Variants in HTR4 observed in about 807,000 individuals in gnomAD.
HTR4 encodes 5-hydroxytryptamine (serotonin) receptor 4, G protein-coupled.
A neutral mutation model predicts 36.8 loss-of-function variants in HTR4; 16 were observed. The ratio of observed to expected loss-of-function variants is 0.43; its 90% confidence interval spans 0.29 to 0.66. The LOEUF is 0.66. HTR4 is among the 30% of genes least tolerant of loss of function. HTR4 has a pLI of 0.13. For synonymous variants in HTR4, 189 were observed against 185.1 expected (o/e 1.02, Z -0.17); for missense variants, 438 against 490.9 (o/e 0.89, Z 1.02).
chr5:148,560,209 A>T lies in HTR4; in HGVS notation c.27-9947T>A, dbSNP rs1471716059. On this transcript the variant is annotated intron_variant, in intron 2 of 6. Coordinates refer to ENST00000377888, the MANE Select transcript of HTR4 (RefSeq NM_000870.7). The stretch of plus-strand genomic sequence containing the variant: ...TTTTACGGAAAGCTTTTTTTTTAAA[A>T]AAAAAAAAAAAAAAAAGAGGAGGAT... 9.2e-3 allele frequency among the ~76,000 whole-genome samples: 1,177 copies of T among 127,306 alleles called. 18 individuals carry two copies. The highest frequency in any genetic ancestry group is 0.034 in the African/African-American group (1,022 of 30,390). 83.5% of individuals were successfully genotyped at this position (127,306 alleles called of 152,430 possible).
chr5:148,483,921 C>A (rs1300585321), intron 6 of HTR4, among the ~76,000 whole-genome samples: 1 of 148,820 alleles, frequency 6.7e-6, no homozygotes, highest in East Asian at 2.0e-4. Context: ...TACATTGCTG[C>A]CTAGTTGATT....
intron 2 of HTR4, among the ~76,000 whole-genome samples, chr5:148,587,935 T>C (rs1365530687): frequency 6.6e-6 from 1 of 152,166 alleles, no homozygotes; most frequent in Non-Finnish European, 1.5e-5. Flanking sequence ...TGCACCCTCG[T>C]ACTTCCTCTC....
intron 5 of HTR4, among the ~76,000 whole-genome samples, chr5:148,511,513 T>C (rs1757496102): frequency 6.6e-6 from 1 of 152,154 alleles, no homozygotes; most frequent in African/African-American, 2.4e-5. Context: ...TATTGCATTA[T>C]AGGAATAAAC....
At chr5:148,480,848 A>G (rs1755856082), downstream of HTR4, among the ~76,000 whole-genome samples, 1 of 152,232 alleles carries the variant, frequency 6.6e-6, no homozygotes, top group Admixed American at 6.5e-5. Context: ...GCACATCCAC[A>G]GTAATCCAAA....
At chr5:148,596,290 A>G (rs1761768888) in intron 2 of HTR4, among the ~76,000 whole-genome samples, 1 of 152,218 alleles carries the variant, frequency 6.6e-6, no homozygotes, top group South Asian at 2.1e-4. Context: ...TGTTGCAATT[A>G]TCACTACCTC....
Position 148,613,421 on chromosome 5 carries a change from G to C in HTR4, c.26+23568C>G, listed in dbSNP as rs950932803. Reference sequence around the variant, plus strand: ...AATCCAGCATATAAACAGAGCCAAAGACAAAAACCACATGATTATCTCAAT... The same window carrying C: ...AATCCAGCATATAAACAGAGCCAAACACAAAAACCACATGATTATCTCAAT... On this transcript the variant is annotated intron_variant, in intron 2 of 6. Transcript: ENST00000377888. Among the ~76,000 whole-genome samples the C allele has an allele frequency of 3.9e-3, 593 of 151,942 alleles. 3 individuals carry two copies. The highest frequency in any genetic ancestry group is 0.014 in the African/African-American group (560 of 41,412).
intron 4 of HTR4, among the ~76,000 whole-genome samples, chr5:148,534,532 G>A (rs1477528370): frequency 1.3e-5 from 2 of 152,156 alleles, no homozygotes; most frequent in Non-Finnish European, 2.9e-5. Context: ...AGACTCCAGG[G>A]GCAACTGAAA....
intron 2 of HTR4, among the ~76,000 whole-genome samples, chr5:148,580,853 CCCTGAT>C (rs1761105420): frequency 6.6e-6 from 1 of 151,930 alleles, no homozygotes; most frequent in Non-Finnish European, 1.5e-5. Flanking sequence ...CTCTTTGAGA[CCCTGAT>C]TTCAATTCTT....
At chr5:148,494,647 T>C (rs548968909) in intron 6 of HTR4, among the ~76,000 whole-genome samples, 1 of 152,368 alleles carries the variant, frequency 6.6e-6, no homozygotes, top group South Asian at 2.1e-4. Context: ...TTAGTGAGTC[T>C]GAGAGAAAGT....
intron 6 of HTR4, among the ~76,000 whole-genome samples, chr5:148,502,657 G>T (rs995084437): frequency 3.3e-5 from 5 of 152,234 alleles, no homozygotes; most frequent in African/African-American, 1.2e-4. Context: ...GAATGACTTT[G>T]ACAAGTTGAG....
At chr5:148,476,861 A>C, downstream of HTR4, 50 of 1,528,372 alleles carry the variant, frequency 3.3e-5, no homozygotes, top group Non-Finnish European at 4.2e-5. Context: ...CAAAAACCTC[A>C]TGCAGTCCTG....
At chr5:148,574,047 A>G (rs1760786086) in intron 2 of HTR4, among the ~76,000 whole-genome samples, 1 of 152,088 alleles carries the variant, frequency 6.6e-6, no homozygotes, top group Non-Finnish European at 1.5e-5. Context: ...GGAGAGAAAC[A>G]TAGGCTGACC....
intron 4 of HTR4, among the ~76,000 whole-genome samples, chr5:148,529,511 T>C (rs1758449455): frequency 1.3e-5 from 2 of 152,250 alleles, no homozygotes; most frequent in Admixed American, 1.3e-4. Flanking sequence ...GCTTTCGCCT[T>C]CTGCCATGAT....
intron 5 of HTR4, among the ~76,000 whole-genome samples, chr5:148,462,979 T>C (rs567992140): frequency 3.3e-5 from 5 of 151,934 alleles, no homozygotes; most frequent in African/African-American, 1.2e-4. Context: ...TTTAAAAAGC[T>C]CTCGGTAAAC....
intron 6 of HTR4, among the ~76,000 whole-genome samples, chr5:148,496,646 C>A (rs766879133): frequency 6.6e-6 from 1 of 152,154 alleles, no homozygotes; most frequent in Non-Finnish European, 1.5e-5. Context: ...ATCAGGAAAA[C>A]CTTTCAAGCT....
intron 2 of HTR4, among the ~76,000 whole-genome samples, chr5:148,631,483 C>T (rs757295910): frequency 3.3e-5 from 5 of 152,038 alleles, no homozygotes; most frequent in African/African-American, 9.7e-5. Flanking sequence ...AATTCCACAT[C>T]GATAAGTCTT....
downstream of HTR4, among the ~76,000 whole-genome samples, chr5:148,478,460 A>G (rs1297321191): frequency 6.6e-6 from 1 of 152,184 alleles, no homozygotes; most frequent in African/African-American, 2.4e-5. Flanking sequence ...TTCTGAATGG[A>G]GGAAGAGATT....
Position 148,654,130 on chromosome 5 carries a change from A to G in HTR4, c.-116T>C, listed in dbSNP as rs887641481. ...GCGGCCACCCCCAGCCGCTGAGCCG[A>G]GCTTCTGCTGCCGCCGCTGCCGCTG... On this transcript the variant is annotated 5_prime_UTR_variant, in exon 1 of 7. Coordinates refer to ENST00000377888, the MANE Select transcript of HTR4 (RefSeq NM_000870.7). 2 of 985,482 alleles carry G rather than the reference A, an allele frequency of 2.0e-6. No individual in the cohort carries two copies. Among genetic ancestry groups the G allele is most frequent in the Non-Finnish European group, 2.4e-6 (2 of 830,034 alleles). 61.0% of individuals were successfully genotyped at this position (985,482 alleles called of 1,614,324 possible). A position where few individuals can be genotyped will look rare whatever the true frequency, so the allele number is the denominator to read the frequency against.
rs140012060 is a variant in HTR4, at chr5:148,561,596, G to A, written c.27-11334C>T. On this transcript the variant is annotated intron_variant, in intron 2 of 6. Transcript: ENST00000377888. The stretch of plus-strand genomic sequence containing the variant: ...ATCATTTTTTCTTTATATGTGCACA[G>A]TCTAGCGTCTCTGGTTTGTGTTGAA... 3.3e-3 allele frequency among the ~76,000 whole-genome samples: 503 copies of A among 152,078 alleles called. 5 individuals are homozygous for A. The highest frequency in any genetic ancestry group is 0.01 in the African/African-American group (432 of 41,444).
Sources: gnomAD v4.1 joint callset for allele counts (sites outside exome capture counted in the v4.1 genomes callset) on GRCh38, gnomAD v4.1.1 for gene constraint, MANE v1.5 for transcripts, NCBI Gene and HGNC (gene_info 2026-07-23, HGNC 2026-07-21) for gene names.